The following OGDHL variants were observed in gnomAD, a reference collection of about 807,000 sequenced individuals.
OGDHL encodes the protein 2-oxoglutarate dehydrogenase-like, mitochondrial.
Under a neutral mutation model 109.6 loss-of-function variants are expected in OGDHL, and 79 were observed. The ratio of observed to expected loss-of-function variants is 0.72; its 90% CI spans 0.60 to 0.87. The LOEUF is 0.87. OGDHL is among the 40% of genes least tolerant of loss of function. The pLI is 0.00. For missense variants in OGDHL, 1,275 were observed against 1,362.2 expected (o/e 0.94, Z 1.01); for synonymous variants, 528 against 537.2 (o/e 0.98, Z 0.24).
intron 20 of OGDHL, among the ~76,000 whole-genome samples, chr10:49,737,002 T>G (rs1306419756): frequency 6.6e-6 from 1 of 152,120 alleles, no homozygotes; most frequent in Non-Finnish European, 1.5e-5. Flanking sequence ...GAGCCCATGA[T>G]CCTGACCCCA....
At chr10:49,744,300 C>T (rs144353629) in intron 13 of OGDHL, among the ~76,000 whole-genome samples, 178 bp from the exon 14 acceptor site, 55 of 152,258 alleles carry the variant, frequency 3.6e-4, no homozygotes, top group African/African-American at 1.3e-3. Flanking sequence ...TGCAACTCCC[C>T]CACAGGCCCA....
In OGDHL at chr10:49,739,778, A is replaced by C. The variant is rs1564526632; in HGVS notation, c.2202T>G (p.Phe734Leu). 2 of 1,614,134 alleles carry C rather than the reference A, an allele frequency of 1.2e-6. No individual in the cohort carries two copies. Among genetic ancestry groups the C allele is most frequent in the Non-Finnish European group, 8.5e-7 (1 of 1,179,988 alleles). Residue 734 changes from phenylalanine to leucine, a missense_variant, in exon 17 of 23, where the codon TTT becomes TTG. Transcript: ENST00000374103. ...ACTGGGCCGTGTTGTGGAAGTCCCC[A>C]AACTGGGCCTCCCAGAGGACCAGGG... Reference protein sequence around the residue: ...PNALVLWEAQFGDFHNTAQCI... With the variant: ...PNALVLWEAQLGDFHNTAQCI...
chr10:49,751,738 C>G, intron 6 of OGDHL, 89 bp downstream of exon 6: 1 of 1,489,470 alleles, frequency 6.7e-7, no homozygotes, highest in Non-Finnish European at 9.1e-7. Context: ...TCCTGTGGTA[C>G]CCTCCTGCTC....
chr10:49,739,990 G>C (rs1254153372), intron 16 of OGDHL, 151 bp from the exon 17 acceptor site: 1 of 760,116 alleles, frequency 1.3e-6, no homozygotes, highest in Non-Finnish European at 2.1e-6. Context: ...GGATTCAAAG[G>C]GTACAATGTA....
rs1158078982 is a variant in OGDHL, at chr10:49,736,492, T to C, written c.2619A>G (p.Glu873=). ...SGTSFQRVIP[E]DGAAARAPEQ... Reference sequence around the variant, plus strand: ...CAGGGGCCCGTGCTGCGGCCCCATCTTCAGGAATCACCCGCTGGAAGCTGG... The same window carrying C: ...CAGGGGCCCGTGCTGCGGCCCCATCCTCAGGAATCACCCGCTGGAAGCTGG... The change falls in exon 21 of 23, where the codon GAA becomes GAG. Residue 873 remains glutamate, a synonymous_variant. Coordinates refer to ENST00000374103, the MANE Select transcript of OGDHL (RefSeq NM_018245.3). 6.2e-7 allele frequency: 1 copy of C among 1,613,606 alleles called. No homozygotes were observed. Among genetic ancestry groups the C allele is most frequent in the Non-Finnish European group, 8.5e-7 (1 of 1,180,008 alleles).
At chr10:49,744,500 G>A in intron 13 of OGDHL, 150 bp downstream of exon 13, 1 of 643,224 alleles carries the variant, frequency 1.6e-6, no homozygotes, top group Non-Finnish European at 2.7e-6. Flanking sequence ...GCAGGAATCG[G>A]CCCCACGCAG....
intron 2 of OGDHL, 127 bp from the exon 3 acceptor site, chr10:49,757,073 G>A (rs925121533): frequency 1.2e-6 from 1 of 854,698 alleles, no homozygotes; most frequent in Non-Finnish European, 1.7e-6. Context: ...CCTTCCCAGG[G>A]TGCCTAGATG....
chr10:49,746,997 C>T, intron 9 of OGDHL, 32 bp downstream of exon 9: 1 of 1,611,042 alleles, frequency 6.2e-7, no homozygotes. Context: ...CTGAAGGGCC[C>T]AGGTCCTCTG....
Position 49,749,661 on chromosome 10 carries a change from C to T in OGDHL, c.987+65G>A, listed in dbSNP as rs943200818. On this transcript the variant is annotated intron_variant, in intron 8 of 22. Transcript: ENST00000374103. ...AGCCCGGAAGCTCCCGGCTCAGCCC[C>T]TCCACAGTCCACCTCCCAAACACCC... is the stretch of plus-strand genomic sequence containing the variant. 5.7e-6 allele frequency: 8 copies of T among 1,407,632 alleles called. No homozygotes were observed. The African/African-American group carries it at 1.0e-4, about 18-fold the overall frequency. The allele number at this position is 1,407,632 out of a possible 1,614,324, so 87.2% of individuals were successfully genotyped here. A position where few individuals can be genotyped will look rare whatever the true frequency, so the allele number is the denominator to read the frequency against.
intron 5 of OGDHL, 35 bp from the exon 6 acceptor site, chr10:49,752,016 G>A (rs765690490): frequency 1.1e-5 from 18 of 1,613,304 alleles, no homozygotes; most frequent in Non-Finnish European, 1.5e-5. Flanking sequence ...TGAGGAGCGG[G>A]GAAGAGGGAC....
chr10:49,746,978 G>A (rs769842218), intron 9 of OGDHL, 51 bp downstream of exon 9: 18 of 1,608,478 alleles, frequency 1.1e-5, no homozygotes, highest in Middle Eastern at 1.7e-4. Context: ...CCAGCCCTCT[G>A]GGCCCACCCT....
intron 1 of OGDHL, among the ~76,000 whole-genome samples, chr10:49,761,852 C>G (rs1040286612): frequency 6.6e-6 from 1 of 152,218 alleles, no homozygotes; most frequent in Non-Finnish European, 1.5e-5. Flanking sequence ...CTATGGGTCC[C>G]GCCAGGTGCA....
At position 49,742,954 on chromosome 10, in the gene OGDHL, C is replaced by T. The variant is rs752996866; in HGVS notation, c.1886G>A (p.Arg629His). 55 of 1,613,636 alleles carry T rather than the reference C, an allele frequency of 3.4e-5. No homozygotes were observed. The highest frequency in any genetic ancestry group is 1.8e-4 in the East Asian group (8 of 44,884). Residue 629 changes from arginine to histidine, a missense_variant, in exon 15 of 23, where the codon CGT becomes CAT. By Grantham distance (29) the Arg-to-His change is conservative. Coordinates refer to ENST00000374103, the MANE Select transcript of OGDHL (RefSeq NM_018245.3). Reference protein sequence around the residue: ...HTGLSRILRGRADMTKNRTVD... With the variant: ...HTGLSRILRGHADMTKNRTVD... Reference sequence around the variant, plus strand: ...CGTCCGGTTCTTGGTCATGTCCGCACGGCCCCGCAGAATGCGAGAGAGGCC... The same window carrying T: ...CGTCCGGTTCTTGGTCATGTCCGCATGGCCCCGCAGAATGCGAGAGAGGCC...
Position 49,734,929 on chromosome 10 carries a change from G to C in OGDHL, c.*299C>G. 1 of 228,834 alleles carries C rather than the reference G, an allele frequency of 4.4e-6. No homozygotes were observed. Among genetic ancestry groups the C allele is most frequent in the Non-Finnish European group, 8.4e-6 (1 of 118,434 alleles). 14.2% of individuals were successfully genotyped at this position (228,834 alleles called of 1,614,324 possible). A position where few individuals can be genotyped will look rare whatever the true frequency, so the allele number is the denominator to read the frequency against. On this transcript the variant is annotated 3_prime_UTR_variant, in exon 23 of 23. Coordinates refer to ENST00000374103, the MANE Select transcript of OGDHL (RefSeq NM_018245.3). Reference sequence around the variant, plus strand: ...AGCGGCCACAGACACAGGCCCCCGGGTGTCTGTCTTGAGATACAGGTGGAG... The same window carrying C: ...AGCGGCCACAGACACAGGCCCCCGGCTGTCTGTCTTGAGATACAGGTGGAG...
intron 4 of OGDHL, 72 bp downstream of exon 4, chr10:49,752,566 C>A: frequency 7.8e-7 from 1 of 1,277,006 alleles, no homozygotes; most frequent in South Asian, 1.2e-5. Context: ...TCAGGCTGTC[C>A]CTAGTGCCCG....
In OGDHL at chr10:49,744,107, T is replaced by C. The variant is rs1842004081; in HGVS notation, c.1748A>G (p.Asp583Gly). The C allele has an allele frequency of 4.3e-6, 7 of 1,613,888 alleles. No individual in the cohort carries two copies. The highest frequency in any genetic ancestry group is 5.9e-6 in the Non-Finnish European group (7 of 1,179,878). ...DSPWPGFFNV[D>G]GEPKSMTCPA... The stretch of plus-strand genomic sequence containing the variant: ...GCATGTCATGCTCTTGGGCTCCCCA[T>C]CTACGTTGAAGAAGCCTGAGAGGGA... Residue 583 changes from aspartate (D) to glycine (G), a missense_variant, in exon 14 of 23, where the codon GAT becomes GGT. Coordinates refer to ENST00000374103, the MANE Select transcript of OGDHL (RefSeq NM_018245.3).
chr10:49,749,545 C>T, intron 8 of OGDHL, among the ~76,000 whole-genome samples, 181 bp downstream of exon 8: 1 of 152,144 alleles, frequency 6.6e-6, no homozygotes, highest in East Asian at 1.9e-4. Context: ...GAGACTGCAG[C>T]CCTTGCTCCA....
Position 49,751,989 on chromosome 10 carries a change from G to GAC in OGDHL, c.595-10_595-9dup. 1 of 1,614,090 alleles carries GAC rather than the reference G, an allele frequency of 6.2e-7. No individual in the cohort carries two copies. Among genetic ancestry groups the GAC allele is most frequent in the South Asian group, 1.1e-5 (1 of 91,084 alleles). ...GTGCTGGCAGTAGGTGTTCTGGGGA[G>GAC]ACACATTGGGACCCCATGAGGAGCG... On this transcript the variant is annotated splice_polypyrimidine_tract_variant and intron_variant, in intron 5 of 22. Coordinates refer to ENST00000374103, the MANE Select transcript of OGDHL (RefSeq NM_018245.3).
chr10:49,756,514 C>G (rs541426564), intron 3 of OGDHL: 6 of 332,738 alleles, frequency 1.8e-5, no homozygotes, highest in Middle Eastern at 8.0e-4. Context: ...TGCTCCTCCA[C>G]GTACTCGGGG....
Sources: allele counts gnomAD v4.1 joint callset (sites outside exome capture counted in the v4.1 genomes callset), GRCh38; gene constraint gnomAD v4.1.1; transcripts MANE v1.5; gene names NCBI Gene and HGNC (gene_info 2026-07-23, HGNC 2026-07-21).